Variants in HMG20A observed in about 807,000 individuals in gnomAD.
HMG20A encodes high mobility group protein 20A.
A neutral mutation model predicts 43.9 loss-of-function variants in HMG20A; 17 were observed. The observed-to-expected ratio is 0.39, with a 90% CI of 0.27 to 0.58. HMG20A has a LOEUF of 0.58. HMG20A is among the 20% of genes least tolerant of loss of function. The probability of loss-of-function intolerance (pLI) is 0.59; values close to 1 mark genes in which losing one functional copy is unlikely to be tolerated. For synonymous variants in HMG20A, 132 were observed against 147.5 expected, an observed-to-expected ratio of 0.89 and a Z score of 0.76; for missense variants, 341 against 438.2, an observed-to-expected ratio of 0.78 and a Z score of 1.98.
intron 1 of HMG20A, among the ~76,000 whole-genome samples, chr15:77,445,402 A>G (rs917928083): frequency 1.3e-5 from 2 of 152,172 alleles, no homozygotes; most frequent in African/African-American, 4.8e-5. Flanking sequence ...CTGCTTTCTC[A>G]TACAGTAGTT....
chr15:77,451,110 G>T (rs2073731788), intron 1 of HMG20A, among the ~76,000 whole-genome samples: 1 of 152,060 alleles, frequency 6.6e-6, no homozygotes, highest in African/African-American at 2.4e-5. Flanking sequence ...TATCTTTTTA[G>T]CAGTGAATAA....
At chr15:77,449,387 G>A (rs1357620279) in intron 1 of HMG20A, among the ~76,000 whole-genome samples, 1 of 152,082 alleles carries the variant, frequency 6.6e-6, no homozygotes, top group African/African-American at 2.4e-5. Context: ...TTAACTGCCT[G>A]GCAGGATTAG....
the HMG20A span, among the ~76,000 whole-genome samples, chr15:77,515,409 A>ATATTTATTTATTTATT: frequency 1.3e-5 from 2 of 150,854 alleles, no homozygotes; most frequent in Non-Finnish European, 3.0e-5. Flanking sequence ...TTATTTTTAA[A>ATATTTATTTATTTATT]TATTTATTTA....
chr15:77,429,582 A>G (rs562803389), intron 1 of HMG20A, among the ~76,000 whole-genome samples: 3 of 152,338 alleles, frequency 2.0e-5, no homozygotes, highest in East Asian at 3.9e-4. Flanking sequence ...CATACTTTTG[A>G]GCCAATAATT....
chr15:77,458,201 G>A, intron 1 of HMG20A: 1 of 415,158 alleles, frequency 2.4e-6, no homozygotes. Context: ...TTTCAGTCTG[G>A]TCAGTTGATA....
intron 3 of HMG20A, among the ~76,000 whole-genome samples, chr15:77,466,656 C>G (rs1355444450): frequency 1.3e-5 from 2 of 152,212 alleles, no homozygotes; most frequent in Non-Finnish European, 2.9e-5. Flanking sequence ...CCATCTTACT[C>G]TAATCTGACA....
chr15:77,439,977 CTT>C (rs1484433241), intron 1 of HMG20A, among the ~76,000 whole-genome samples: 1 of 151,936 alleles, frequency 6.6e-6, no homozygotes, highest in African/African-American at 2.4e-5. Context: ...TGGATAGTCT[CTT>C]TATGAAGTGC....
chr15:77,455,097 A>G (rs1595921848), intron 1 of HMG20A, among the ~76,000 whole-genome samples: 1 of 151,896 alleles, frequency 6.6e-6, no homozygotes, highest in South Asian at 2.1e-4. Flanking sequence ...GAAAAGAGCC[A>G]ACCCCAGAAA....
At chr15:77,480,691 G>A (rs1479981896) in intron 9 of HMG20A, among the ~76,000 whole-genome samples, 1 of 145,382 alleles carries the variant, frequency 6.9e-6, no homozygotes, top group Non-Finnish European at 1.5e-5. Context: ...TAAAAAATAT[G>A]TTCAACAAAT....
chr15:77,517,885 T>C, the HMG20A span, among the ~76,000 whole-genome samples: 1 of 152,148 alleles, frequency 6.6e-6, no homozygotes. Context: ...TAATTTAGTC[T>C]GCCCAAGCCT....
chr15:77,502,881 G>T, the HMG20A span, among the ~76,000 whole-genome samples: 1 of 152,072 alleles, frequency 6.6e-6, no homozygotes, highest in Non-Finnish European at 1.5e-5. Flanking sequence ...GAGGTGGGAG[G>T]ATCATTTGAG....
chr15:77,496,002 T>C, the HMG20A span, among the ~76,000 whole-genome samples: 125 of 152,258 alleles, frequency 8.2e-4, no homozygotes, highest in African/African-American at 2.9e-3. Flanking sequence ...TCTGGCTTCC[T>C]CTTGCAATCC....
At position 77,478,437 on chromosome 15, in the gene HMG20A, C is replaced by T; in HGVS notation, c.834C>T (p.Asn278=). The T allele has an allele frequency of 6.2e-7, 1 of 1,612,612 alleles. No homozygotes were observed. Among genetic ancestry groups the T allele is most frequent in the Non-Finnish European group, 8.5e-7 (1 of 1,180,044 alleles). Residue 278 remains asparagine, a synonymous_variant, in exon 8 of 10, where the codon AAC becomes AAT. Coordinates refer to ENST00000336216, the MANE Select transcript of HMG20A (RefSeq NM_001304504.2). The part of the protein sequence containing the change: ...EVDVIQERSR[N]TVLQQHLETL... ...ATGTGATCCAGGAGCGGAGCCGCAACACAGTCTTACAGCAGCACCTGGAGA... is the reference window on the plus strand; with the variant it reads ...ATGTGATCCAGGAGCGGAGCCGCAATACAGTCTTACAGCAGCACCTGGAGA...
chr15:77,506,909 C>G, the HMG20A span, among the ~76,000 whole-genome samples: 1 of 152,248 alleles, frequency 6.6e-6, no homozygotes, highest in Admixed American at 6.5e-5. Flanking sequence ...AGGCAAAGGC[C>G]TGGGCAGCCC....
At chr15:77,490,848 T>C in the HMG20A span, among the ~76,000 whole-genome samples, 2 of 152,154 alleles carry the variant, frequency 1.3e-5, no homozygotes, top group Non-Finnish European at 2.9e-5. Context: ...CACATCTCCC[T>C]GCTATCAGTT....
chr15:77,511,610 T>C, the HMG20A span, among the ~76,000 whole-genome samples: 2 of 152,204 alleles, frequency 1.3e-5, no homozygotes, highest in South Asian at 2.1e-4. Context: ...AGGACTTCAA[T>C]AGACGTTTCT....
intron 1 of HMG20A, among the ~76,000 whole-genome samples, chr15:77,443,698 T>A (rs998679644): frequency 2.6e-5 from 4 of 151,710 alleles, no homozygotes; most frequent in African/African-American, 9.7e-5. Context: ...TTTTTTCTTA[T>A]GTATTTATTT....
At position 77,420,964 on chromosome 15, in the gene HMG20A, T is replaced by G; in HGVS notation, c.-45T>G. 2.5e-6 allele frequency: 1 copy of G among 398,718 alleles called. No individual in the cohort carries two copies. Among genetic ancestry groups the G allele is most frequent in the Non-Finnish European group, 4.4e-6 (1 of 226,092 alleles). 24.7% of individuals were successfully genotyped at this position (398,718 alleles called of 1,614,324 possible). ...GAATTGTCCTCTGTGGAAGGGACTT[T>G]CTTTTGGCCCTAGGCCCCTTCCTGC... On this transcript the variant is annotated 5_prime_UTR_variant, in exon 1 of 10. Coordinates refer to ENST00000336216, the MANE Select transcript of HMG20A (RefSeq NM_001304504.2).
At chr15:77,495,112 A>G in the HMG20A span, among the ~76,000 whole-genome samples, 2 of 152,370 alleles carry the variant, frequency 1.3e-5, no homozygotes, top group Non-Finnish European at 2.9e-5. Context: ...TCACATTTGT[A>G]GATGGTCTGT....
Sources: gnomAD v4.1 joint callset for allele counts (sites outside exome capture counted in the v4.1 genomes callset) on GRCh38, gnomAD v4.1.1 for gene constraint, MANE v1.5 for transcripts, NCBI Gene and HGNC (gene_info 2026-07-23, HGNC 2026-07-21) for gene names.